The following RANBP17 variants were observed in gnomAD, a reference collection of about 807,000 sequenced individuals.
RANBP17 encodes the protein RAN binding protein 17.
A neutral mutation model predicts 141.2 loss-of-function variants in RANBP17; 158 were observed. That is an observed-to-expected ratio of 1.12 (90% CI 0.98 to 1.28). The LOEUF (loss-of-function observed/expected upper bound fraction) is 1.28, where lower values mean the gene tolerates loss of function less well. RANBP17 is among the 50% of genes most tolerant of loss of function. The pLI is 0.00. For missense variants in RANBP17, 1,438 were observed against 1,290.7 expected (o/e 1.11, Z -1.75); for synonymous variants, 430 against 450.0 (o/e 0.96, Z 0.56).
At chr5:171,153,637 G>GTGT (rs1758644103) in intron 14 of RANBP17, among the ~76,000 whole-genome samples, 1 of 152,186 alleles carries the variant, frequency 6.6e-6, no homozygotes, top group Non-Finnish European at 1.5e-5. Flanking sequence ...GTTTCTTTTA[G>GTGT]TGTCATTCAC....
At chr5:171,027,846 A>T (rs1461872136) in intron 14 of RANBP17, among the ~76,000 whole-genome samples, 1 of 151,888 alleles carries the variant, frequency 6.6e-6, no homozygotes, top group Non-Finnish European at 1.5e-5. Context: ...TTTCATGTAA[A>T]TTTTTCTGCT....
rs775444642 is a variant in RANBP17, at chr5:171,241,031, TG to T, written c.2528del (p.Gly843GlufsTer42). On this transcript the variant is annotated frameshift_variant, in exon 23 of 28. Transcript: ENST00000523189. LOFTEE classifies it high-confidence loss of function. ...CYSALKSALCGNYVSFGVFKL... is the reference protein window; with the variant it reads ...CYSALKSALCXNYVSFGVFKL... ...ATTCAGCTCTCAAGTCTGCCTTGTG[TG>T]GAAATTATGTCAGCTTTGGCGTCTT... 1.2e-6 allele frequency: 2 copies of T among 1,613,960 alleles called. No individual in the cohort carries two copies. The highest frequency in any genetic ancestry group is 1.7e-6 in the Non-Finnish European group (2 of 1,179,892).
intron 9 of RANBP17, among the ~76,000 whole-genome samples, chr5:170,917,299 C>T (rs1184876342): frequency 2.6e-5 from 4 of 152,098 alleles, no homozygotes; most frequent in Non-Finnish European, 5.9e-5. Flanking sequence ...TGTTTTCTTG[C>T]CCTCTTGTGG....
chr5:171,259,259 A>C (rs1172679703), intron 24 of RANBP17, among the ~76,000 whole-genome samples: 1 of 152,206 alleles, frequency 6.6e-6, no homozygotes, highest in Non-Finnish European at 1.5e-5. Context: ...AAACTCGTAC[A>C]CTGTTGGTGG....
At chr5:170,866,329 A>G (rs770604393) in intron 1 of RANBP17, among the ~76,000 whole-genome samples, 5 of 149,732 alleles carry the variant, frequency 3.3e-5, no homozygotes, top group African/African-American at 7.7e-5. Context: ...AAAAGATAAC[A>G]TTGAGCTTGT....
chr5:171,121,339 G>T (rs1230081384), intron 14 of RANBP17, among the ~76,000 whole-genome samples: 1 of 152,232 alleles, frequency 6.6e-6, no homozygotes, highest in African/African-American at 2.4e-5. Flanking sequence ...TGCTATTCAG[G>T]CCTGGAACGC....
intron 22 of RANBP17, among the ~76,000 whole-genome samples, chr5:171,230,335 A>G (rs1764136411): frequency 6.6e-6 from 1 of 152,250 alleles, no homozygotes; most frequent in East Asian, 1.9e-4. Flanking sequence ...GCACATAAAT[A>G]TAGAACAGCC....
At chr5:170,978,287 A>G (rs1487096919) in intron 14 of RANBP17, among the ~76,000 whole-genome samples, 1 of 152,140 alleles carries the variant, frequency 6.6e-6, no homozygotes, top group Non-Finnish European at 1.5e-5. Flanking sequence ...TTGGAAAACT[A>G]TTTGGCGATG....
At chr5:171,091,285 C>G (rs1191403613) in intron 14 of RANBP17, among the ~76,000 whole-genome samples, 1 of 152,210 alleles carries the variant, frequency 6.6e-6, no homozygotes, top group Admixed American at 6.5e-5. Context: ...TAAGATTTTA[C>G]TTCCTCACTG....
intron 22 of RANBP17, among the ~76,000 whole-genome samples, chr5:171,238,075 G>A (rs1764648340): frequency 6.6e-6 from 1 of 152,124 alleles, no homozygotes; most frequent in African/African-American, 2.4e-5. Context: ...ATGGAATGCT[G>A]AGGCACTTGA....
chr5:171,162,066 G>A (rs1003718656), intron 14 of RANBP17, among the ~76,000 whole-genome samples: 3 of 152,062 alleles, frequency 2.0e-5, no homozygotes, highest in Non-Finnish European at 4.4e-5. Context: ...TCAAACCATG[G>A]TCCCAAAATC....
rs199744676 is a variant in RANBP17, at chr5:170,892,535, T to C, written c.405T>C (p.Asp135=). 4 of 1,613,664 alleles carry C rather than the reference T, an allele frequency of 2.5e-6. No individual in the cohort carries two copies. Among genetic ancestry groups the C allele is most frequent in the East Asian group, 4.5e-5 (2 of 44,866 alleles). Residue 135 remains aspartate, a synonymous_variant, in exon 4 of 28, where the codon GAT becomes GAC. Transcript: ENST00000523189. The part of the protein sequence containing the change: ...DQFVFREIIA[D]VKKFLQGTVE... ...TTGTCTTCAGAGAAATTATTGCTGA[T>C]GTGAAGAAGTTTCTCCAGGTAAGAA... is the stretch of plus-strand genomic sequence containing the variant.
chr5:171,284,963 A>G (rs758176417), intron 25 of RANBP17, among the ~76,000 whole-genome samples: 11 of 148,614 alleles, frequency 7.4e-5, no homozygotes, highest in Non-Finnish European at 1.5e-4. Flanking sequence ...TTCTATATTC[A>G]GCATGGCATA....
At chr5:171,144,179 A>G (rs1257483465) in intron 14 of RANBP17, among the ~76,000 whole-genome samples, 1 of 152,128 alleles carries the variant, frequency 6.6e-6, no homozygotes, top group Non-Finnish European at 1.5e-5. Flanking sequence ...CCTGGGCAAC[A>G]TGATGAAACC....
At chr5:171,210,693 G>A (rs1762826466) in intron 20 of RANBP17, among the ~76,000 whole-genome samples, 1 of 152,110 alleles carries the variant, frequency 6.6e-6, no homozygotes, top group African/African-American at 2.4e-5. Flanking sequence ...ATTTGAGCAT[G>A]TGTTCCCCAA....
At chr5:171,145,145 A>T (rs2127819724) in intron 14 of RANBP17, among the ~76,000 whole-genome samples, 1 of 152,358 alleles carries the variant, frequency 6.6e-6, no homozygotes, top group Non-Finnish European at 1.5e-5. Flanking sequence ...AAGAAAAGTC[A>T]AGCCAGATTT....
chr5:171,154,933 C>A (rs963361758), intron 14 of RANBP17, among the ~76,000 whole-genome samples: 1 of 151,452 alleles, frequency 6.6e-6, no homozygotes, highest in East Asian at 1.9e-4. Flanking sequence ...AAAAATTAGC[C>A]GGGCATGGTG....
intron 14 of RANBP17, among the ~76,000 whole-genome samples, chr5:171,095,085 G>T (rs1319280307): frequency 6.6e-6 from 1 of 152,132 alleles, no homozygotes; most frequent in East Asian, 1.9e-4. Context: ...GGACTTGCCA[G>T]CCTCCAGAAC....
intron 7 of RANBP17, 176 bp downstream of exon 7, chr5:170,911,310 A>G (rs550667014): frequency 4.9e-6 from 3 of 611,024 alleles, no homozygotes; most frequent in African/African-American, 1.9e-5. Flanking sequence ...AATTCATATT[A>G]TAGTAACTTC....
Sources: allele counts gnomAD v4.1 joint callset (sites outside exome capture counted in the v4.1 genomes callset), GRCh38; gene constraint gnomAD v4.1.1; transcripts MANE v1.5; gene names NCBI Gene and HGNC (gene_info 2026-07-23, HGNC 2026-07-21).